ORC4: variants seen among roughly 807,000 people sequenced by gnomAD.
ORC4 encodes the protein origin recognition complex subunit 4.
A neutral mutation model predicts 63.9 loss-of-function variants in ORC4; 55 were observed. The ratio of observed to expected loss-of-function variants is 0.86; its 90% confidence interval spans 0.69 to 1.08. The LOEUF (loss-of-function observed/expected upper bound fraction) is 1.08. ORC4 is among the 50% of genes least tolerant of loss of function. The pLI, the probability that ORC4 is intolerant of heterozygous loss-of-function variation, is 0.00. For missense variants in ORC4, 511 were observed against 504.4 expected (o/e 1.01, Z -0.13); for synonymous variants, 150 against 168.5 (o/e 0.89, Z 0.85).
chr2:148,003,474 A>G (rs1692440382), intron 1 of ORC4, among the ~76,000 whole-genome samples: 1 of 152,230 alleles, frequency 6.6e-6, no homozygotes, highest in Admixed American at 6.5e-5. Flanking sequence ...AAATCAATAA[A>G]TGTAATCCAT....
At chr2:148,011,229 A>G (rs1381806579) in intron 1 of ORC4, among the ~76,000 whole-genome samples, 1 of 152,184 alleles carries the variant, frequency 6.6e-6, no homozygotes, top group Non-Finnish European at 1.5e-5. Flanking sequence ...AAAATCTTCA[A>G]CAAAACACAG....
intron 1 of ORC4, among the ~76,000 whole-genome samples, chr2:147,994,354 A>T (rs2105411510): frequency 6.6e-6 from 1 of 152,344 alleles, no homozygotes; most frequent in East Asian, 1.9e-4. Flanking sequence ...TGACAAACTG[A>T]TTTTAAAGTA....
intron 10 of ORC4, among the ~76,000 whole-genome samples, chr2:147,940,630 GATATAT>G (rs17225614): frequency 6.7e-6 from 1 of 149,872 alleles, no homozygotes; most frequent in African/African-American, 2.5e-5. Flanking sequence ...TGGATATATG[GATATAT>G]ATATATATGT....
chr2:147,986,836 A>C (rs1414129419), intron 1 of ORC4, among the ~76,000 whole-genome samples: 1 of 151,246 alleles, frequency 6.6e-6, no homozygotes, highest in Admixed American at 6.6e-5. Context: ...GAATCCACTA[A>C]AATAAAAAAC....
chr2:148,005,134 T>A (rs568629284), intron 1 of ORC4, among the ~76,000 whole-genome samples: 3 of 152,168 alleles, frequency 2.0e-5, no homozygotes, highest in African/African-American at 7.2e-5. Flanking sequence ...CTGTTCACAA[T>A]AGCAAAGACT....
chr2:147,961,820 C>T (rs73964129), intron 4 of ORC4, among the ~76,000 whole-genome samples: 1,687 of 152,246 alleles, frequency 0.011, 40 homozygotes, highest in African/African-American at 0.038. Flanking sequence ...TGATTTAATG[C>T]TTTTGCCTTT....
At chr2:147,997,256 A>G (rs13008838) in intron 1 of ORC4, among the ~76,000 whole-genome samples, 50,156 of 152,008 alleles carry the variant, frequency 0.33, 8,542 homozygotes, top group East Asian at 0.52. Context: ...GGTTGTCAAG[A>G]AAAGAGAAGT....
chr2:147,950,630 C>T (rs1050029929), intron 8 of ORC4, among the ~76,000 whole-genome samples: 8 of 151,812 alleles, frequency 5.3e-5, no homozygotes, highest in East Asian at 1.9e-4. Flanking sequence ...CCAGGCATGG[C>T]GGTGTGTGGC....
intron 1 of ORC4, among the ~76,000 whole-genome samples, chr2:148,007,525 A>G (rs565072614): frequency 1.3e-3 from 195 of 152,308 alleles, no homozygotes; most frequent in African/African-American, 4.4e-3. Context: ...ATACAGTCAG[A>G]AGAGAAAAAA....
At chr2:147,956,856 A>C (rs1236342291) in intron 6 of ORC4, among the ~76,000 whole-genome samples, 1 of 151,838 alleles carries the variant, frequency 6.6e-6, no homozygotes, top group Non-Finnish European at 1.5e-5. Flanking sequence ...AACATTTAAA[A>C]ATGTCAGAAA....
chr2:147,974,807 T>TAA (rs35378474), intron 2 of ORC4, among the ~76,000 whole-genome samples: 15 of 119,906 alleles, frequency 1.3e-4, no homozygotes, highest in Non-Finnish European at 1.7e-4. Context: ...ATCTTTTCCT[T>TAA]AAAAAAAAAA....
rs1379844081 is a variant in ORC4 at position 147,958,314 on chromosome 2, A to G, written c.371T>C (p.Val124Ala). ...GATACTTACAAAAACTTTATCTCCA[A>G]CTACATTTTCCAGATTTAACTGCCT... is the stretch of plus-strand genomic sequence containing the variant. ...ITRQLNLENV[V>A]GDKVFGSFAE... The change falls in exon 6 of 14, where the codon GTT (valine) becomes GCT (alanine). Residue 124 changes from valine to alanine, a missense_variant. Transcript: ENST00000392857. 3 of 1,609,210 alleles carry G rather than the reference A, an allele frequency of 1.9e-6. No homozygotes were observed. Among genetic ancestry groups the G allele is most frequent in the Non-Finnish European group, 2.6e-6 (3 of 1,176,034 alleles).
chr2:147,968,299 C>T (rs1420472016), intron 4 of ORC4, among the ~76,000 whole-genome samples: 2 of 152,016 alleles, frequency 1.3e-5, no homozygotes, highest in Non-Finnish European at 2.9e-5. Flanking sequence ...AATCTGCTAA[C>T]ATCAAACTCA....
chr2:147,973,297 T>A, intron 3 of ORC4, 151 bp downstream of exon 3: 1 of 660,900 alleles, frequency 1.5e-6, no homozygotes, highest in Non-Finnish European at 2.8e-6. Context: ...CTTCATGCTA[T>A]GTGGTGTTTC....
At chr2:148,012,259 T>C (rs1693016419) in intron 1 of ORC4, among the ~76,000 whole-genome samples, 1 of 152,032 alleles carries the variant, frequency 6.6e-6, no homozygotes, top group Non-Finnish European at 1.5e-5. Context: ...AAAACAGACA[T>C]GTAGAACAAC....
intron 1 of ORC4, among the ~76,000 whole-genome samples, chr2:147,987,720 G>T (rs1573852474): frequency 6.6e-6 from 1 of 152,008 alleles, no homozygotes; most frequent in African/African-American, 2.4e-5. Context: ...CATATAAATG[G>T]TCAGTAAGGT....
chr2:147,998,528 T>G (rs900267060), intron 1 of ORC4, among the ~76,000 whole-genome samples: 18 of 152,208 alleles, frequency 1.2e-4, no homozygotes, highest in Non-Finnish European at 7.3e-5. Context: ...CCTCAGATTT[T>G]CCTCTCTTTG....
chr2:147,981,697 T>A (rs1396806359), intron 1 of ORC4, among the ~76,000 whole-genome samples: 1 of 151,326 alleles, frequency 6.6e-6, no homozygotes, highest in Middle Eastern at 3.2e-3. Flanking sequence ...TTTTTATTCA[T>A]CAATTAGAAA....
In ORC4 at chr2:147,952,413, G is replaced by A. The variant is rs1427332779; in HGVS notation, c.548C>T (p.Ala183Val). Residue 183 changes from alanine to valine, a missense_variant, in exon 8 of 14, where the codon GCA becomes GTA. Coordinates refer to ENST00000392857, the MANE Select transcript of ORC4 (RefSeq NM_181741.4). ...LYNLFDISQS[A>V]QTPIAVIGLT... ...ACCAATAACTGCTATTGGGGTCTGT[G>A]CAGACTGAGAAATGTCAAAAAGATT... 3 of 1,610,274 alleles carry A rather than the reference G, an allele frequency of 1.9e-6. No homozygotes were observed. The highest frequency in any genetic ancestry group is 2.5e-6 in the Non-Finnish European group (3 of 1,176,672).
Sources: allele counts gnomAD v4.1 joint callset (sites outside exome capture counted in the v4.1 genomes callset), GRCh38; gene constraint gnomAD v4.1.1; transcripts MANE v1.5; gene names NCBI Gene and HGNC (gene_info 2026-07-23, HGNC 2026-07-21).